The following CSMD3 variants were observed in gnomAD, a reference collection of about 807,000 sequenced individuals.
CSMD3 encodes the protein CUB and sushi domain-containing protein 3.
CSMD3 carries 177 observed loss-of-function variants against 435.2 expected under a neutral mutation model. That is an observed-to-expected ratio of 0.41 (90% CI 0.36 to 0.46). The LOEUF (loss-of-function observed/expected upper bound fraction) is 0.46, where lower values mean the gene tolerates loss of function less well. Ranked by LOEUF, CSMD3 falls within the 20% of genes least tolerant of loss-of-function variation. The probability of loss-of-function intolerance (pLI) is 0.34; values close to 1 mark genes in which losing one functional copy is unlikely to be tolerated. For synonymous variants in CSMD3, 1,656 were observed against 1,520.5 expected, an observed-to-expected ratio of 1.09 and a Z score of -2.07; for missense variants, 4,265 against 4,504.6, an observed-to-expected ratio of 0.95 and a Z score of 1.52.
intron 67 of CSMD3, 22 bp downstream of exon 67, chr8:112,237,168 G>T (rs568492320): frequency 6.2e-7 from 1 of 1,611,338 alleles, no homozygotes; most frequent in African/African-American, 1.3e-5. Flanking sequence ...GGTATATTTC[G>T]CTGCTGTTTT....
chr8:113,253,665 C>A (rs1424493254), intron 3 of CSMD3, among the ~76,000 whole-genome samples: 1 of 151,702 alleles, frequency 6.6e-6, no homozygotes, highest in Non-Finnish European at 1.5e-5. Context: ...CATAGTGAAA[C>A]CCCGTCTATA....
chr8:112,395,046 C>T (rs1487629301), intron 35 of CSMD3, among the ~76,000 whole-genome samples: 1 of 152,188 alleles, frequency 6.6e-6, no homozygotes, highest in Admixed American at 6.6e-5. Flanking sequence ...AATTCTACTG[C>T]AATCATATTT....
chr8:113,096,295 T>C (rs1241732104), intron 5 of CSMD3, among the ~76,000 whole-genome samples: 6 of 152,118 alleles, frequency 3.9e-5, no homozygotes, highest in Non-Finnish European at 8.8e-5. Flanking sequence ...TTAAATTGTA[T>C]TTGCTCAGTT....
rs575780552 is a variant in CSMD3, at chr8:112,449,848, G to A, written c.5395+22743C>T. 6.7e-4 allele frequency among the ~76,000 whole-genome samples: 102 copies of A among 152,068 alleles called. No individual in the cohort carries two copies. In the Middle Eastern group the frequency reaches 0.027, roughly 41 times the overall value. ...AGTGATTCTCCTGCCTCAGCCTCCC[G>A]AGTAGCTGGGCTTACAGGCACCCGC... On this transcript the variant is annotated intron_variant, in intron 32 of 70. Transcript: ENST00000297405.
intron 15 of CSMD3, among the ~76,000 whole-genome samples, chr8:112,684,269 C>A (rs2075965081): frequency 6.6e-6 from 1 of 151,980 alleles, no homozygotes; most frequent in African/African-American, 2.4e-5. Flanking sequence ...GTTTCTATGA[C>A]ACATGTCACC....
At chr8:112,890,841 G>C (rs1010871287) in intron 10 of CSMD3, among the ~76,000 whole-genome samples, 1 of 151,580 alleles carries the variant, frequency 6.6e-6, no homozygotes, top group African/African-American at 2.4e-5. Context: ...AGGTGAGAAA[G>C]TTATAGTATA....
intron 5 of CSMD3, among the ~76,000 whole-genome samples, chr8:113,064,031 T>C (rs1178496780): frequency 6.6e-6 from 1 of 151,502 alleles, no homozygotes; most frequent in Non-Finnish European, 1.5e-5. Context: ...TAATAATATA[T>C]TAAAGGACTC....
At chr8:112,473,680 T>G (rs906554671) in intron 31 of CSMD3, among the ~76,000 whole-genome samples, 1 of 148,786 alleles carries the variant, frequency 6.7e-6, no homozygotes, top group Non-Finnish European at 1.5e-5. Context: ...AGTGTAAGAG[T>G]GGAGTTTTTC....
chr8:113,040,276 G>GCCT (rs2087550383), intron 5 of CSMD3, among the ~76,000 whole-genome samples: 1 of 152,172 alleles, frequency 6.6e-6, no homozygotes, highest in Admixed American at 6.5e-5. Context: ...TGGAAAGATA[G>GCCT]CAATGGGCCA....
At chr8:113,243,927 C>T (rs886841649) in intron 3 of CSMD3, among the ~76,000 whole-genome samples, 1 of 152,078 alleles carries the variant, frequency 6.6e-6, no homozygotes, top group African/African-American at 2.4e-5. Flanking sequence ...GTATTGAAAA[C>T]TTTGCCCATA....
At chr8:112,496,127 G>T (rs1342327622) in intron 30 of CSMD3, among the ~76,000 whole-genome samples, 2 of 151,836 alleles carry the variant, frequency 1.3e-5, no homozygotes, top group African/African-American at 4.8e-5. Flanking sequence ...CCGCCACCAC[G>T]CCCGGCCAAT....
intron 5 of CSMD3, among the ~76,000 whole-genome samples, chr8:113,038,631 G>A (rs2087463346): frequency 6.6e-6 from 1 of 152,126 alleles, no homozygotes; most frequent in Non-Finnish European, 1.5e-5. Flanking sequence ...TTGAGTGTGT[G>A]CTTTCTGGCA....
At chr8:112,856,207 G>A (rs577103992) in intron 11 of CSMD3, among the ~76,000 whole-genome samples, 2 of 151,954 alleles carry the variant, frequency 1.3e-5, no homozygotes, top group Non-Finnish European at 1.5e-5. Context: ...TTCCCTTACA[G>A]AAGCTTGTGG....
At chr8:113,188,019 G>T (rs1450443589) in intron 3 of CSMD3, among the ~76,000 whole-genome samples, 2 of 151,900 alleles carry the variant, frequency 1.3e-5, no homozygotes, top group Admixed American at 6.6e-5. Flanking sequence ...TGCCTATCCA[G>T]ATATTTCCAT....
At chr8:112,492,231 G>A (rs1820772854) in intron 31 of CSMD3, among the ~76,000 whole-genome samples, 1 of 152,068 alleles carries the variant, frequency 6.6e-6, no homozygotes, top group African/African-American at 2.4e-5. Flanking sequence ...AGCATAACAG[G>A]CAGTAACCCA....
chr8:112,913,535 T>C (rs1240477499), intron 10 of CSMD3, among the ~76,000 whole-genome samples: 1 of 151,996 alleles, frequency 6.6e-6, no homozygotes, highest in Non-Finnish European at 1.5e-5. Context: ...CAATAAACTA[T>C]TGTAATTATA....
intron 9 of CSMD3, among the ~76,000 whole-genome samples, chr8:112,937,169 G>C (rs181164575): frequency 4.2e-4 from 64 of 152,136 alleles, no homozygotes; most frequent in Admixed American, 1.8e-3. Flanking sequence ...GGATAACATA[G>C]CTGGAGGAGA....
In CSMD3 at chr8:112,281,187, T is replaced by C. The variant is rs758507344; in HGVS notation, c.9495A>G (p.Leu3165=). The change falls in exon 59 of 71, where the codon TTA becomes TTG. Residue 3165 remains leucine (L), a synonymous_variant. Transcript: ENST00000297405. ...CTANGTWSGT[L]PNCTIISCGD... The stretch of plus-strand genomic sequence containing the variant: ...GAATATACTTACTTGTACAGTTAGG[T>C]AAAGTTCCAGACCATGTTCCATTGG... 11 of 1,612,046 alleles carry C rather than the reference T, an allele frequency of 6.8e-6. No homozygotes were observed. The highest frequency in any genetic ancestry group is 9.3e-6 in the Non-Finnish European group (11 of 1,178,414).
At chr8:112,635,456 G>A (rs1011090300) in intron 22 of CSMD3, among the ~76,000 whole-genome samples, 1 of 151,832 alleles carries the variant, frequency 6.6e-6, no homozygotes, top group African/African-American at 2.4e-5. Context: ...ATGAAGTAAA[G>A]TACAGGAATT....
Sources: gnomAD v4.1 joint callset for allele counts (sites outside exome capture counted in the v4.1 genomes callset) on GRCh38, gnomAD v4.1.1 for gene constraint, MANE v1.5 for transcripts, NCBI Gene and HGNC (gene_info 2026-07-23, HGNC 2026-07-21) for gene names.